DPF3: variants seen among roughly 807,000 people sequenced by gnomAD.
The protein encoded by DPF3 is double PHD fingers 3.
In DPF3, 18 loss-of-function variants were observed where a neutral mutation model predicts 56.8. The observed-to-expected ratio is 0.32, with a 90% CI of 0.22 to 0.47. The LOEUF is 0.47. Among genes scored for constraint, DPF3 ranks in the 20% least tolerant of loss-of-function variants. DPF3 has a pLI of 1.00. For missense variants in DPF3, 403 were observed against 488.8 expected (o/e 0.82, Z 1.65); for synonymous variants, 188 against 180.2 (o/e 1.04, Z -0.35).
At position 72,878,284 on chromosome 14, in the gene DPF3, C is replaced by G. The variant is rs1385942933; in HGVS notation, c.32+15773G>C. On this transcript the variant is annotated intron_variant, in intron 1 of 10. Coordinates refer to ENST00000556509, the MANE Select transcript of DPF3 (RefSeq NM_001280542.3). ...TAATGATACGCTGGTATCTCTATCT[C>G]TCTCAATACAAGAGAGAAAGGCCCT... is the stretch of plus-strand genomic sequence containing the variant. Among the ~76,000 whole-genome samples the G allele has an allele frequency of 2.0e-5, 3 of 152,346 alleles. No homozygotes were observed. The East Asian group carries it at 5.8e-4, about 29-fold the overall frequency.
intron 4 of DPF3, chr14:72,731,372 C>T (rs918786038): frequency 6.9e-6 from 1 of 144,756 alleles, no homozygotes; most frequent in Non-Finnish European, 1.3e-5. Context: ...TCATGGGGAC[C>T]GGTGAGGCTG....
chr14:72,839,156 A>G (rs540223295), intron 1 of DPF3, among the ~76,000 whole-genome samples: 21 of 151,788 alleles, frequency 1.4e-4, no homozygotes, highest in African/African-American at 4.8e-4. Flanking sequence ...CTTGGCCTCA[A>G]GTGATCCATC....
chr14:72,797,824 C>A (rs913406718), intron 1 of DPF3, among the ~76,000 whole-genome samples: 5 of 152,142 alleles, frequency 3.3e-5, no homozygotes, highest in African/African-American at 9.7e-5. Flanking sequence ...AACTGGGAGA[C>A]CTTGCTAATT....
intron 1 of DPF3, among the ~76,000 whole-genome samples, chr14:72,804,006 C>T (rs1892989099): frequency 6.6e-6 from 1 of 152,146 alleles, no homozygotes; most frequent in Non-Finnish European, 1.5e-5. Context: ...ATGGTTGAAG[C>T]CACCATGCCC....
intron 2 of DPF3, among the ~76,000 whole-genome samples, chr14:72,755,834 C>T (rs979198165): frequency 6.6e-6 from 1 of 152,176 alleles, no homozygotes; most frequent in Non-Finnish European, 1.5e-5. Context: ...CTGGCCCCTT[C>T]CTTGCCCTCC....
intron 2 of DPF3, among the ~76,000 whole-genome samples, chr14:72,770,495 G>A (rs2139941322): frequency 6.6e-6 from 1 of 152,334 alleles, no homozygotes; most frequent in Non-Finnish European, 1.5e-5. Flanking sequence ...TTTGAGCTCT[G>A]ATAGTGATTG....
intron 2 of DPF3, among the ~76,000 whole-genome samples, chr14:72,764,499 T>G (rs1418127095): frequency 7.4e-6 from 1 of 134,840 alleles, no homozygotes; most frequent in Admixed American, 7.4e-5. Context: ...TTTTTTTTTT[T>G]TTTTTTTTTT....
chr14:72,611,629 C>T lies in DPF3; in HGVS notation c.*7668G>A, dbSNP rs1411329903. Among the ~76,000 whole-genome samples the T allele has an allele frequency of 6.6e-6, 1 of 152,174 alleles. No individual in the cohort carries two copies. The highest frequency in any genetic ancestry group is 1.5e-5 in the Non-Finnish European group (1 of 68,024). ...ACCTCCCTGCCTTCCACCCCAGAAA[C>T]CCACAAGCAGCTCTGGGGACACTGG... is the stretch of plus-strand genomic sequence containing the variant. On this transcript the variant is annotated 3_prime_UTR_variant, in exon 11 of 11. Coordinates refer to ENST00000556509, the MANE Select transcript of DPF3 (RefSeq NM_001280542.3).
At chr14:72,718,669 G>T (rs562332813) in intron 5 of DPF3, among the ~76,000 whole-genome samples, 3 of 151,866 alleles carry the variant, frequency 2.0e-5, no homozygotes, top group Non-Finnish European at 4.4e-5. Context: ...TTAGTGGTAT[G>T]AATATTACTG....
intron 3 of DPF3, among the ~76,000 whole-genome samples, chr14:72,741,061 T>C (rs1342240743): frequency 6.6e-6 from 1 of 151,822 alleles, no homozygotes; most frequent in Non-Finnish European, 1.5e-5. Context: ...ATAAATAAAA[T>C]AAAATGAATA....
chr14:72,664,589 C>CCT (rs1886368158), intron 8 of DPF3, among the ~76,000 whole-genome samples: 1 of 151,882 alleles, frequency 6.6e-6, no homozygotes, highest in African/African-American at 2.4e-5. Context: ...TGACATCCCC[C>CCT]TTTTCTCTCC....
chr14:72,792,679 C>T (rs138506566), intron 1 of DPF3, among the ~76,000 whole-genome samples: 3,477 of 152,020 alleles, frequency 0.023, 70 homozygotes, highest in Middle Eastern at 0.088. Flanking sequence ...AGCGCCTGCT[C>T]CTACAGACCA....
intron 1 of DPF3, among the ~76,000 whole-genome samples, chr14:72,779,847 G>T (rs1891896644): frequency 6.6e-6 from 1 of 152,210 alleles, no homozygotes; most frequent in East Asian, 1.9e-4. Flanking sequence ...TGTCCTTGAG[G>T]CTGTCGGGGA....
At chr14:72,709,329 G>A (rs1404036788) in intron 6 of DPF3, among the ~76,000 whole-genome samples, 1 of 152,198 alleles carries the variant, frequency 6.6e-6, no homozygotes, top group Non-Finnish European at 1.5e-5. Context: ...TTCTAGGAGG[G>A]CTTTAGCCAT....
intron 1 of DPF3, among the ~76,000 whole-genome samples, chr14:72,785,493 G>T (rs1892173650): frequency 6.6e-6 from 1 of 152,078 alleles, no homozygotes. Flanking sequence ...CTCTTACAAG[G>T]GCGCCATTAC....
chr14:72,850,632 G>A (rs1420277524), intron 1 of DPF3, among the ~76,000 whole-genome samples: 1 of 152,046 alleles, frequency 6.6e-6, no homozygotes, highest in South Asian at 2.1e-4. Flanking sequence ...TCAACACACA[G>A]GTCACAAACA....
chr14:72,759,744 T>C (rs1390549814), intron 2 of DPF3, among the ~76,000 whole-genome samples: 1 of 151,988 alleles, frequency 6.6e-6, no homozygotes, highest in African/African-American at 2.4e-5. Flanking sequence ...TAATCAAAAC[T>C]GCTCAAAAAT....
At chr14:72,648,750 C>T (rs927213089) in intron 8 of DPF3, among the ~76,000 whole-genome samples, 1 of 151,952 alleles carries the variant, frequency 6.6e-6, no homozygotes, top group African/African-American at 2.4e-5. Flanking sequence ...AATTTTGCTC[C>T]TGCTGTTATT....
At chr14:72,718,629 C>A (rs1433414920) in intron 5 of DPF3, among the ~76,000 whole-genome samples, 1 of 151,996 alleles carries the variant, frequency 6.6e-6, no homozygotes, top group African/African-American at 2.4e-5. Context: ...AGAGAGACAA[C>A]CTTTTTAATT....
Sources: allele counts gnomAD v4.1 joint callset (sites outside exome capture counted in the v4.1 genomes callset), GRCh38; gene constraint gnomAD v4.1.1; transcripts MANE v1.5; gene names NCBI Gene and HGNC (gene_info 2026-07-23, HGNC 2026-07-21).